Variants in PLCL2 observed in about 807,000 individuals in gnomAD.
PLCL2 encodes inactive phospholipase C-like protein 2.
Under a neutral mutation model 79.6 loss-of-function variants are expected in PLCL2, and 4 were observed. The observed-to-expected ratio is 0.05, with a 90% CI of 0.02 to 0.11. PLCL2 has a LOEUF of 0.11. PLCL2 is among the 10% of genes least tolerant of loss of function. The pLI is 1.00. For missense variants in PLCL2, 895 were observed against 1,291.0 expected (o/e 0.69, Z 4.70); for synonymous variants, 484 against 457.7 (o/e 1.06, Z -0.73).
chr3:17,062,117 T>C (rs1393033790), intron 4 of PLCL2, among the ~76,000 whole-genome samples: 1 of 152,142 alleles, frequency 6.6e-6, no homozygotes, highest in African/African-American at 2.4e-5. Context: ...CAACTGAGGC[T>C]CAAAGACAAT....
intron 1 of PLCL2, among the ~76,000 whole-genome samples, chr3:16,972,214 C>T (rs11128812): frequency 0.27 from 40,616 of 151,904 alleles, 5,917 homozygotes; most frequent in East Asian, 0.55. Flanking sequence ...AAAGGGTATT[C>T]AGTTAGGAAA....
chr3:17,086,733 A>G (rs530333250), intron 5 of PLCL2, among the ~76,000 whole-genome samples: 1 of 152,354 alleles, frequency 6.6e-6, no homozygotes, highest in South Asian at 2.1e-4. Flanking sequence ...AAAACTCAAC[A>G]GTAAGGAAAC....
chr3:16,927,178 G>T (rs979054309), intron 1 of PLCL2, among the ~76,000 whole-genome samples: 8 of 152,102 alleles, frequency 5.3e-5, no homozygotes, highest in Non-Finnish European at 1.0e-4. Context: ...CTTTACGGAA[G>T]AACTGGGTAA....
intron 1 of PLCL2, among the ~76,000 whole-genome samples, chr3:16,979,970 AC>A (rs1305280331): frequency 5.9e-5 from 8 of 135,378 alleles, no homozygotes; most frequent in South Asian, 2.5e-4. Flanking sequence ...CGGGGGGCTG[AC>A]CCCCCCAACC....
At chr3:16,954,074 G>C (rs542237703) in intron 1 of PLCL2, among the ~76,000 whole-genome samples, 1 of 152,072 alleles carries the variant, frequency 6.6e-6, no homozygotes, top group Non-Finnish European at 1.5e-5. Context: ...TGTGCACAGT[G>C]TGCAGGTTTG....
rs948309365 is a variant in PLCL2 at position 17,009,110 on chromosome 3, G to C, written c.328-564G>C. Among the ~76,000 whole-genome samples, 4 of 151,620 alleles carry C rather than the reference G, an allele frequency of 2.6e-5. No homozygotes were observed. The highest frequency in any genetic ancestry group is 4.9e-5 in the African/African-American group (2 of 41,224). On this transcript the variant is annotated intron_variant, in intron 1 of 5. Coordinates refer to ENST00000615277, the MANE Select transcript of PLCL2 (RefSeq NM_001144382.2). The surrounding 1 kb of genome is among the most constrained non-coding windows in gnomAD (Gnocchi z 4.0). ...AACGATTCTCCTGCCTCAGCCTCCC[G>C]AGTAGGTGGGATTACAGGCACCCGC...
At chr3:17,041,230 T>A (rs2064717990) in intron 3 of PLCL2, among the ~76,000 whole-genome samples, 1 of 152,168 alleles carries the variant, frequency 6.6e-6, no homozygotes. Context: ...ATGACTCAGA[T>A]CTTGAAGAAT....
intron 1 of PLCL2, among the ~76,000 whole-genome samples, chr3:16,986,328 A>G (rs977686956): frequency 7.9e-5 from 12 of 152,020 alleles, no homozygotes; most frequent in Non-Finnish European, 1.2e-4. Flanking sequence ...ATTATTCACT[A>G]TGTTAGTTCC....
intron 4 of PLCL2, among the ~76,000 whole-genome samples, chr3:17,055,089 C>T (rs528741102): frequency 6.6e-6 from 1 of 152,234 alleles, no homozygotes; most frequent in South Asian, 2.1e-4. Context: ...CAAGTCATCC[C>T]ATACAATGTT....
chr3:16,972,640 G>T (rs2063884462), intron 1 of PLCL2, among the ~76,000 whole-genome samples: 1 of 152,112 alleles, frequency 6.6e-6, no homozygotes, highest in Admixed American at 6.5e-5. Flanking sequence ...GTCTTCATAG[G>T]TCTCTAAGAA....
chr3:16,945,257 C>T (rs1417620451), intron 1 of PLCL2, among the ~76,000 whole-genome samples: 1 of 151,688 alleles, frequency 6.6e-6, no homozygotes, highest in Non-Finnish European at 1.5e-5. Context: ...CACACACACA[C>T]ACACATACAC....
chr3:17,046,387 C>T (rs1331449749), intron 4 of PLCL2, among the ~76,000 whole-genome samples: 1 of 152,160 alleles, frequency 6.6e-6, no homozygotes, highest in Non-Finnish European at 1.5e-5. Flanking sequence ...GCCAAAACTG[C>T]AGCCCATTTT....
chr3:16,943,064 C>T (rs2063566081), intron 1 of PLCL2, among the ~76,000 whole-genome samples: 1 of 152,174 alleles, frequency 6.6e-6, no homozygotes. Context: ...GAAGCAGTTT[C>T]CTTGCTCTCT....
intron 3 of PLCL2, among the ~76,000 whole-genome samples, chr3:17,040,139 C>CT (rs2064704639): frequency 6.6e-6 from 1 of 152,082 alleles, no homozygotes; most frequent in Non-Finnish European, 1.5e-5. Flanking sequence ...TATATATATA[C>CT]TTTAAGTTCT....
At chr3:17,085,819 A>G (rs988125629) in intron 5 of PLCL2, among the ~76,000 whole-genome samples, 3 of 152,244 alleles carry the variant, frequency 2.0e-5, no homozygotes, top group African/African-American at 7.2e-5. Flanking sequence ...CATTTACATT[A>G]GAACCCCCAG....
At chr3:17,066,877 C>T (rs2124942578) in intron 4 of PLCL2, among the ~76,000 whole-genome samples, 2 of 151,954 alleles carry the variant, frequency 1.3e-5, no homozygotes, top group East Asian at 3.9e-4. Context: ...CAAAGAGAAA[C>T]AATACAATAA....
intron 1 of PLCL2, among the ~76,000 whole-genome samples, chr3:16,976,520 T>TA (rs1219439095): frequency 1.3e-5 from 2 of 152,206 alleles, no homozygotes; most frequent in Non-Finnish European, 2.9e-5. Flanking sequence ...CTGCTTTACT[T>TA]AAAGTCAATT....
chr3:17,064,737 T>A (rs1179135087), intron 4 of PLCL2, among the ~76,000 whole-genome samples: 1 of 152,110 alleles, frequency 6.6e-6, no homozygotes, highest in Non-Finnish European at 1.5e-5. Context: ...ATGACCAGCC[T>A]GACCAACATG....
At position 16,897,072 on chromosome 3, in the gene PLCL2, G is replaced by A. The variant is rs150527160; in HGVS notation, c.327+11706G>A. 3.3e-5 allele frequency among the ~76,000 whole-genome samples: 5 copies of A among 152,254 alleles called. No homozygotes were observed. The East Asian group carries it at 9.7e-4, about 29-fold the overall frequency. ...TCCCGGAATCCTGCAGATGATAGTT[G>A]GTGAGCATGTGGCTGGTGGGGTGTA... On this transcript the variant is annotated intron_variant, in intron 1 of 5. Transcript: ENST00000615277.
Sources: allele counts gnomAD v4.1 joint callset (sites outside exome capture counted in the v4.1 genomes callset), GRCh38; gene constraint gnomAD v4.1.1; non-coding constraint Gnocchi (gnomAD v3.1); transcripts MANE v1.5; gene names NCBI Gene and HGNC (gene_info 2026-07-23, HGNC 2026-07-21).